Variants in ABCC2 observed in about 807,000 individuals in gnomAD.
The protein encoded by ABCC2 is ATP binding cassette subfamily C member 2.
In ABCC2, 157 loss-of-function variants were observed where a neutral mutation model predicts 173.4. That is an observed-to-expected ratio of 0.91 (90% CI 0.80 to 1.03). The LOEUF (loss-of-function observed/expected upper bound fraction) is 1.03. ABCC2 is among the 50% of genes least tolerant of loss of function. ABCC2 has a pLI of 0.00. For synonymous variants in ABCC2, 657 were observed against 693.5 expected (o/e 0.95, Z 0.83); for missense variants, 1,822 against 1,852.3 (o/e 0.98, Z 0.30).
rs547182971 is a variant in ABCC2 at position 99,814,429 on chromosome 10, A to C, written c.2094+1285A>C. Among the ~76,000 whole-genome samples the C allele has an allele frequency of 1.9e-3, 252 of 134,228 alleles. 6 individuals carry two copies. Among genetic ancestry groups the C allele is most frequent in the African/African-American group, 6.6e-3 (230 of 35,090 alleles). 88.1% of individuals were successfully genotyped at this position (134,228 alleles called of 152,430 possible). A position where few individuals can be genotyped will look rare whatever the true frequency, so the allele number is the denominator to read the frequency against. On this transcript the variant is annotated intron_variant, in intron 16 of 31. Transcript: ENST00000647814. ...CACACGTGTATATATGTGTGCATAT[A>C]TGTGTATACACACATATGTGTGTAT...
intron 13 of ABCC2, among the ~76,000 whole-genome samples, chr10:99,809,724 G>A (rs763905180): frequency 4.6e-5 from 7 of 152,252 alleles, no homozygotes; most frequent in Middle Eastern, 3.2e-3. Context: ...TCCCCCTGAT[G>A]CTATAGCCAG....
chr10:99,797,589 A>C (rs931822682), intron 7 of ABCC2: 5 of 445,264 alleles, frequency 1.1e-5, no homozygotes, highest in Non-Finnish European at 2.1e-5. Context: ...ATACCTTAGC[A>C]TTTCTAGATT....
intron 14 of ABCC2, 36 bp downstream of exon 14, chr10:99,810,254 C>A: frequency 6.5e-7 from 1 of 1,550,356 alleles, no homozygotes; most frequent in South Asian, 1.1e-5. Flanking sequence ...CAAACTTATT[C>A]GCAGTACTGG....
At chr10:99,787,587 TGAC>T (rs2037738343) in intron 2 of ABCC2, among the ~76,000 whole-genome samples, 1 of 152,244 alleles carries the variant, frequency 6.6e-6, no homozygotes, top group African/African-American at 2.4e-5. Flanking sequence ...TGTGTAAACA[TGAC>T]ATCTCACTGA....
At chr10:99,808,328 A>T in intron 13 of ABCC2, 99 bp downstream of exon 13, 1 of 1,503,292 alleles carries the variant, frequency 6.7e-7, no homozygotes, top group Non-Finnish European at 9.2e-7. Context: ...TTTTGCTGGT[A>T]AACTTTCAAG....
At chr10:99,850,847 C>G in intron 31 of ABCC2, 51 bp downstream of exon 31, 1 of 1,597,786 alleles carries the variant, frequency 6.3e-7, no homozygotes, top group Non-Finnish European at 8.6e-7. Flanking sequence ...CCTTGCTCAA[C>G]AGTAACAGTG....
chr10:99,819,275 TAAG>T lies in ABCC2; in HGVS notation c.2620+10_2620+12del, dbSNP rs764566414. 2.5e-4 allele frequency: 409 copies of T among 1,612,576 alleles called. 1 individual carries two copies. The highest frequency in any genetic ancestry group is 1.7e-3 in the Middle Eastern group (10 of 6,056). Reference sequence around the variant, plus strand: ...CCCTGAAGAGGAAGCCACAGGTATGTAAGAAGGATTGGGACAAGATAGAACTTG... The same window carrying T: ...CCCTGAAGAGGAAGCCACAGGTATGTAAGGATTGGGACAAGATAGAACTTG... On this transcript the variant is annotated splice_region_variant and intron_variant, in intron 19 of 31. Coordinates refer to ENST00000647814, the MANE Select transcript of ABCC2 (RefSeq NM_000392.5).
At chr10:99,830,225 A>G in intron 19 of ABCC2, 82 bp from the exon 20 acceptor site, 1 of 1,567,916 alleles carries the variant, frequency 6.4e-7, no homozygotes, top group Non-Finnish European at 8.8e-7. Flanking sequence ...CAGCAAGATC[A>G]GAGGAGGCTT....
At position 99,797,348 on chromosome 10, in the gene ABCC2, T is replaced by A; in HGVS notation, c.867+17T>A. ...CTTGTCCTGGTAACTTTCCCTTGAG[T>A]GTCTGTGTGAGCGCGCTGCATGTTT... On this transcript the variant is annotated intron_variant, in intron 7 of 31. Coordinates refer to ENST00000647814, the MANE Select transcript of ABCC2 (RefSeq NM_000392.5). 6.2e-7 allele frequency: 1 copy of A among 1,604,068 alleles called. No individual in the cohort carries two copies. The highest frequency in any genetic ancestry group is 8.5e-7 in the Non-Finnish European group (1 of 1,174,774).
chr10:99,797,168 C>A lies in ABCC2; in HGVS notation c.704C>A (p.Thr235Asn). 1 of 1,614,080 alleles carries A rather than the reference C, an allele frequency of 6.2e-7. No homozygotes were observed. The highest frequency in any genetic ancestry group is 8.5e-7 in the Non-Finnish European group (1 of 1,179,994). ...DVWEVDEEMK[T>N]KTLVSKFETH... Reference sequence around the variant, plus strand: ...TGGGAAGTTGATGAAGAGATGAAAACCAAGACATTAGTGAGCAAGTTTGAA... The same window carrying A: ...TGGGAAGTTGATGAAGAGATGAAAAACAAGACATTAGTGAGCAAGTTTGAA... The change falls in exon 7 of 32, where the codon ACC becomes AAC. Residue 235 changes from threonine (T) to asparagine (N), a missense_variant. Coordinates refer to ENST00000647814, the MANE Select transcript of ABCC2 (RefSeq NM_000392.5).
chr10:99,816,694 A>G (rs1161887974), intron 16 of ABCC2, among the ~76,000 whole-genome samples: 2 of 152,124 alleles, frequency 1.3e-5, no homozygotes, highest in Non-Finnish European at 2.9e-5. Context: ...ACCAGGCTAC[A>G]CAGGAGAAGG....
In ABCC2 at chr10:99,807,915, G is replaced by A. The variant is rs60190212; in HGVS notation, c.1669-168G>A. ...TCCATTAATTGACTTTGTGACCTTG[G>A]AGAAGATATTTCCTCCTCTCCTGGG... On this transcript the variant is annotated intron_variant, in intron 12 of 31. Coordinates refer to ENST00000647814, the MANE Select transcript of ABCC2 (RefSeq NM_000392.5). Among the ~76,000 whole-genome samples the A allele has an allele frequency of 0.021, 3,239 of 152,258 alleles. 126 individuals carry two copies. Among genetic ancestry groups the A allele is most frequent in the African/African-American group, 0.073 (3,016 of 41,530 alleles).
At chr10:99,809,938 G>A (rs2038180443) in intron 13 of ABCC2, among the ~76,000 whole-genome samples, 196 bp from the exon 14 acceptor site, 2 of 152,224 alleles carry the variant, frequency 1.3e-5, no homozygotes, top group Non-Finnish European at 1.5e-5. Flanking sequence ...AACTCCATGA[G>A]TTTGCTCAAG....
In ABCC2 at chr10:99,808,068, C is replaced by T. The variant is rs1307327774; in HGVS notation, c.1669-15C>T. ...CCTTTTAGGAATAAATTGCTCATGACCTTGCCCTTTCCAGGTATCTGTGGT... is the reference window on the plus strand; with the variant it reads ...CCTTTTAGGAATAAATTGCTCATGATCTTGCCCTTTCCAGGTATCTGTGGT... On this transcript the variant is annotated splice_polypyrimidine_tract_variant and intron_variant, in intron 12 of 31. Coordinates refer to ENST00000647814, the MANE Select transcript of ABCC2 (RefSeq NM_000392.5). 2 of 1,613,876 alleles carry T rather than the reference C, an allele frequency of 1.2e-6. No individual in the cohort carries two copies. Among genetic ancestry groups the T allele is most frequent in the African/African-American group, 1.3e-5 (1 of 75,030 alleles).
In ABCC2 at chr10:99,800,605, A is replaced by C. The variant is rs754860271; in HGVS notation, c.1209+42A>C. 2.1e-5 allele frequency: 34 copies of C among 1,601,380 alleles called. No individual in the cohort carries two copies. The South Asian group carries it at 3.6e-4, about 17-fold the overall frequency. On this transcript the variant is annotated intron_variant, in intron 9 of 31. Transcript: ENST00000647814. ...AGGTATCACCAAAGAAAATCCCCTC[A>C]GTAAATATGAGCATTGATTCCAAGG...
chr10:99,796,279 T>G (rs1376820801), intron 6 of ABCC2, among the ~76,000 whole-genome samples: 1 of 151,854 alleles, frequency 6.6e-6, no homozygotes, highest in Admixed American at 6.6e-5. Flanking sequence ...CAGAGGCAGG[T>G]GGATCACCTG....
chr10:99,845,981 C>A (rs2039010897), intron 29 of ABCC2, among the ~76,000 whole-genome samples, 199 bp downstream of exon 29: 1 of 152,184 alleles, frequency 6.6e-6, no homozygotes, highest in South Asian at 2.1e-4. Context: ...TTGTGGCTGC[C>A]TGTATCTGAC....
In ABCC2 at chr10:99,850,581, G is replaced by A. The variant is rs1249458617; in HGVS notation, c.4314-21G>A. On this transcript the variant is annotated intron_variant, in intron 30 of 31. Coordinates refer to ENST00000647814, the MANE Select transcript of ABCC2 (RefSeq NM_000392.5). The stretch of plus-strand genomic sequence containing the variant: ...CCTTGGTCTTTAGGAGCTAACACAT[G>A]GTTGCTTCTATTGGCTGCAGCATAG... 1 of 1,613,454 alleles carries A rather than the reference G, an allele frequency of 6.2e-7. No individual in the cohort carries two copies. The highest frequency in any genetic ancestry group is 1.3e-5 in the African/African-American group (1 of 74,914).
chr10:99,820,655 G>A (rs977785632), intron 19 of ABCC2, among the ~76,000 whole-genome samples: 2 of 152,188 alleles, frequency 1.3e-5, no homozygotes, highest in Non-Finnish European at 2.9e-5. Context: ...GGAGAAGGCG[G>A]GAACAAAGAA....
Sources: allele counts gnomAD v4.1 joint callset (sites outside exome capture counted in the v4.1 genomes callset), GRCh38; gene constraint gnomAD v4.1.1; transcripts MANE v1.5; gene names NCBI Gene and HGNC (gene_info 2026-07-23, HGNC 2026-07-21).